RELN: variants seen among roughly 807,000 people sequenced by gnomAD.
The protein encoded by RELN is reelin.
A neutral mutation model predicts 427.6 loss-of-function variants in RELN; 108 were observed. The ratio of observed to expected loss-of-function variants is 0.25; its 90% confidence interval spans 0.22 to 0.30. The LOEUF (loss-of-function observed/expected upper bound fraction) is 0.30. RELN is among the 10% of genes least tolerant of loss of function. The pLI, the probability that RELN is intolerant of heterozygous loss-of-function variation, is 1.00. For synonymous variants in RELN, 1,524 were observed against 1,513.4 expected, an observed-to-expected ratio of 1.01 and a Z score of -0.16; for missense variants, 3,715 against 4,302.8, an observed-to-expected ratio of 0.86 and a Z score of 3.82.
intron 20 of RELN, among the ~76,000 whole-genome samples, chr7:103,614,936 A>T (rs1199356625): frequency 6.6e-6 from 1 of 152,164 alleles, no homozygotes; most frequent in Non-Finnish European, 1.5e-5. Flanking sequence ...TTCACAGACT[A>T]TGAATTTCAC....
intron 11 of RELN, among the ~76,000 whole-genome samples, chr7:103,674,874 A>G (rs765478699): frequency 1.3e-5 from 2 of 152,224 alleles, no homozygotes; most frequent in Non-Finnish European, 2.9e-5. Flanking sequence ...CAAGGTATTG[A>G]TGGGACGTAT....
chr7:103,935,951 G>GTC (rs562110184), intron 1 of RELN, among the ~76,000 whole-genome samples: 60 of 151,840 alleles, frequency 4.0e-4, no homozygotes, highest in South Asian at 1.5e-3. Context: ...CCTTTAACAT[G>GTC]TCTCTCTCTC....
rs1796695988 is a variant in RELN at position 103,968,217 on chromosome 7, T to C, written c.226+20914A>G. ...AATTTTCCCCCAAACAAGAAAAATATATTGGGAGGCTAAACATTACTTTAT... is the reference window on the plus strand; with the variant it reads ...AATTTTCCCCCAAACAAGAAAAATACATTGGGAGGCTAAACATTACTTTAT... On this transcript the variant is annotated intron_variant, in intron 1 of 64. Transcript: ENST00000428762. The surrounding 1 kb of genome is among the most constrained non-coding windows in gnomAD (Gnocchi z 4.3). Among the ~76,000 whole-genome samples the C allele has an allele frequency of 6.6e-6, 1 of 151,950 alleles. No individual in the cohort carries two copies. The highest frequency in any genetic ancestry group is 2.4e-5 in the African/African-American group (1 of 41,384).
rs34224768 is a variant in RELN, at chr7:103,877,858, C to CTT, written c.337+39215_337+39216dup. The stretch of plus-strand genomic sequence containing the variant: ...CTTCCTTTTCTCTGTCTCTCCCTGC[C>CTT]TTTTTTTTTTTTTTTTTTGAAAGGG... On this transcript the variant is annotated intron_variant, in intron 2 of 64. Transcript: ENST00000428762. Among the ~76,000 whole-genome samples the CTT allele has an allele frequency of 1.1e-3, 133 of 120,624 alleles. 2 individuals are homozygous for CTT. The highest frequency in any genetic ancestry group is 4.0e-3 in the South Asian group (14 of 3,476). 79.1% of individuals were successfully genotyped at this position (120,624 alleles called of 152,430 possible). A position where few individuals can be genotyped will look rare whatever the true frequency, so the allele number is the denominator to read the frequency against.
At chr7:103,961,915 T>C (rs1425790811) in intron 1 of RELN, among the ~76,000 whole-genome samples, 1 of 152,214 alleles carries the variant, frequency 6.6e-6, no homozygotes, top group African/African-American at 2.4e-5. Flanking sequence ...CCAAACTCCA[T>C]TGGAAGGTCT....
intron 38 of RELN, among the ~76,000 whole-genome samples, chr7:103,555,688 G>C (rs1198940075): frequency 1.3e-5 from 2 of 152,102 alleles, no homozygotes; most frequent in Non-Finnish European, 2.9e-5. Context: ...GGCCAGGCTG[G>C]TCTTGAACTC....
intron 41 of RELN, 43 bp from the exon 42 acceptor site, chr7:103,545,387 A>G: frequency 9.9e-6 from 13 of 1,311,402 alleles, no homozygotes; most frequent in Non-Finnish European, 1.4e-5. Flanking sequence ...TCAACAGAAC[A>G]ATATACCTTC....
intron 6 of RELN, among the ~76,000 whole-genome samples, chr7:103,730,185 A>G (rs1790318638): frequency 6.6e-6 from 1 of 152,144 alleles, no homozygotes; most frequent in Non-Finnish European, 1.5e-5. Flanking sequence ...ACTCTAAACT[A>G]AAAGTGTCAC....
chr7:103,960,812 A>G (rs1309677873), intron 1 of RELN, among the ~76,000 whole-genome samples: 1 of 152,230 alleles, frequency 6.6e-6, no homozygotes, highest in African/African-American at 2.4e-5. Flanking sequence ...TTCCTTATAT[A>G]CAGAAAAAAA....
intron 24 of RELN, among the ~76,000 whole-genome samples, chr7:103,602,214 T>C (rs1387464442): frequency 1.3e-5 from 2 of 152,156 alleles, no homozygotes; most frequent in Non-Finnish European, 2.9e-5. Context: ...CTAACCCTCA[T>C]GAGGTAGACA....
chr7:103,610,894 C>T, intron 21 of RELN, 87 bp from the exon 22 acceptor site: 1 of 769,204 alleles, frequency 1.3e-6, no homozygotes, highest in Non-Finnish European at 2.4e-6. Context: ...GTGAAAAAGA[C>T]CTCAGAGAAA....
chr7:103,633,534 TAAAAA>T (rs35166651), intron 19 of RELN, among the ~76,000 whole-genome samples: 1 of 151,696 alleles, frequency 6.6e-6, no homozygotes. Flanking sequence ...GTTCTCCTTT[TAAAAA>T]AACTCCACTT....
intron 20 of RELN, among the ~76,000 whole-genome samples, chr7:103,614,336 T>C (rs181820219): frequency 1.6e-4 from 24 of 152,302 alleles, no homozygotes; most frequent in African/African-American, 5.8e-4. Flanking sequence ...TATCCAGTGA[T>C]TGGTCTAGGG....
intron 3 of RELN, among the ~76,000 whole-genome samples, chr7:103,814,278 CAG>C (rs1246470525): frequency 2.0e-5 from 3 of 152,102 alleles, no homozygotes; most frequent in Non-Finnish European, 4.4e-5. Flanking sequence ...TGGATGGCAA[CAG>C]AGAGAAGACA....
chr7:103,485,268 G>A (rs1232931343), intron 61 of RELN, among the ~76,000 whole-genome samples: 4 of 143,338 alleles, frequency 2.8e-5, no homozygotes, highest in Admixed American at 7.0e-5. Context: ...GATGATAGAC[G>A]CAACTTATAT....
At chr7:103,534,837 A>G (rs1830015014) in intron 46 of RELN, among the ~76,000 whole-genome samples, 1 of 152,202 alleles carries the variant, frequency 6.6e-6, no homozygotes, top group African/African-American at 2.4e-5. Flanking sequence ...TCTCAAGATA[A>G]TGTCCATAAT....
intron 3 of RELN, among the ~76,000 whole-genome samples, chr7:103,807,116 T>G (rs1179820197): frequency 6.6e-6 from 1 of 152,166 alleles, no homozygotes; most frequent in Non-Finnish European, 1.5e-5. Flanking sequence ...AACTGAGAGT[T>G]TGCCAGGCTT....
At chr7:103,697,759 A>G in intron 10 of RELN, 94 bp downstream of exon 10, 1 of 1,571,094 alleles carries the variant, frequency 6.4e-7, no homozygotes, top group Non-Finnish European at 8.7e-7. Flanking sequence ...GTTTTGGTAA[A>G]ATAGCTATCT....
chr7:103,514,305 CA>C (rs1265738350), intron 50 of RELN, among the ~76,000 whole-genome samples: 1 of 151,986 alleles, frequency 6.6e-6, no homozygotes, highest in Non-Finnish European at 1.5e-5. Flanking sequence ...TAATATAAGA[CA>C]CCACTTTTTA....
Sources: gnomAD v4.1 joint callset for allele counts (sites outside exome capture counted in the v4.1 genomes callset) on GRCh38, gnomAD v4.1.1 for gene constraint, Gnocchi (gnomAD v3.1) non-coding constraint, MANE v1.5 for transcripts, NCBI Gene and HGNC (gene_info 2026-07-23, HGNC 2026-07-21) for gene names.